MGST2: variants seen among roughly 807,000 people sequenced by gnomAD.
MGST2 encodes the protein glutathione peroxidase MGST2.
MGST2 carries 9 observed loss-of-function variants against 16.6 expected under a neutral mutation model. The ratio of observed to expected loss-of-function variants is 0.54; its 90% confidence interval spans 0.33 to 0.95. MGST2 has a LOEUF of 0.95. MGST2 is among the 40% of genes least tolerant of loss of function. The probability of loss-of-function intolerance (pLI) is 0.03; values close to 1 mark genes in which losing one functional copy is unlikely to be tolerated. For synonymous variants in MGST2, 79 were observed against 68.0 expected (o/e 1.16, Z -0.79); for missense variants, 159 against 175.1 (o/e 0.91, Z 0.52).
chr4:139,703,655 A>C, intron 4 of MGST2, 119 bp downstream of exon 4: 1 of 940,878 alleles, frequency 1.1e-6, no homozygotes, highest in South Asian at 1.4e-5. Flanking sequence ...AAAGTAATCC[A>C]TACTGTCTGA....
At chr4:139,749,743 T>C in the MGST2 span, among the ~76,000 whole-genome samples, 61 of 152,180 alleles carry the variant, frequency 4.0e-4, no homozygotes, top group African/African-American at 1.4e-3. Flanking sequence ...TCAAGTGTGG[T>C]ACCAAACAGG....
intron 5 of MGST2, among the ~76,000 whole-genome samples, chr4:139,709,508 G>A (rs1727659595): frequency 6.6e-6 from 1 of 152,196 alleles, no homozygotes; most frequent in African/African-American, 2.4e-5. Context: ...CTGGAGCTGT[G>A]TCCTGAGGCA....
intron 3 of MGST2, among the ~76,000 whole-genome samples, chr4:139,697,131 A>G (rs892651316): frequency 2.0e-5 from 3 of 152,046 alleles, no homozygotes; most frequent in Non-Finnish European, 4.4e-5. Context: ...AATGACTGGC[A>G]GGTGCTGTTT....
intron 5 of MGST2, chr4:139,717,315 T>C (rs970299434): frequency 1.3e-5 from 2 of 152,634 alleles, no homozygotes; most frequent in Non-Finnish European, 2.9e-5. Context: ...ATTGCTTATA[T>C]ATTTATTTCC....
At chr4:139,723,559 G>T (rs367882149) in intron 5 of MGST2, among the ~76,000 whole-genome samples, 1 of 152,106 alleles carries the variant, frequency 6.6e-6, no homozygotes, top group African/African-American at 2.4e-5. Flanking sequence ...TGAACTGCCC[G>T]CCTCGGCCTC....
chr4:139,666,403 C>A (rs1730355678), intron 1 of MGST2, among the ~76,000 whole-genome samples: 1 of 152,164 alleles, frequency 6.6e-6, no homozygotes, highest in South Asian at 2.1e-4. Flanking sequence ...GCGTTAGTAG[C>A]CTGCTAACCT....
intron 2 of MGST2, among the ~76,000 whole-genome samples, chr4:139,680,355 T>C (rs1168485185): frequency 6.6e-6 from 1 of 152,242 alleles, no homozygotes. Context: ...CTTTGTTTGC[T>C]TAGTTTCATG....
chr4:139,693,455 G>A lies in MGST2; in HGVS notation c.159-1742G>A, dbSNP rs568182321. On this transcript the variant is annotated intron_variant, in intron 2 of 4. Coordinates refer to ENST00000265498, the MANE Select transcript of MGST2 (RefSeq NM_002413.5). ...TTTCAGTGAGTGTGGAAGGACTAGA[G>A]CCTTCCTCTGCTACTACTACATTTT... Among the ~76,000 whole-genome samples the A allele has an allele frequency of 2.0e-5, 3 of 151,336 alleles. No individual in the cohort carries two copies. In the East Asian group the frequency reaches 5.8e-4, roughly 29 times the overall value.
intron 2 of MGST2, among the ~76,000 whole-genome samples, chr4:139,688,530 A>G (rs1413846077): frequency 6.7e-6 from 1 of 150,318 alleles, no homozygotes; most frequent in Non-Finnish European, 1.5e-5. Context: ...TTTTTTTTAC[A>G]TTTTATTAAC....
chr4:139,711,064 A>T (rs1050801483), intron 5 of MGST2, among the ~76,000 whole-genome samples: 1 of 147,858 alleles, frequency 6.8e-6, no homozygotes, highest in Non-Finnish European at 1.5e-5. Context: ...CCCTGGTTGG[A>T]GTGCAGTGGC....
intron 5 of MGST2, among the ~76,000 whole-genome samples, chr4:139,733,850 C>G (rs1728822123): frequency 6.6e-6 from 1 of 152,136 alleles, no homozygotes; most frequent in Admixed American, 6.5e-5. Context: ...CCATGCCCTG[C>G]TAATTTTTAA....
chr4:139,727,044 G>GAAC (rs1728502795), intron 5 of MGST2, among the ~76,000 whole-genome samples: 1 of 152,098 alleles, frequency 6.6e-6, no homozygotes, highest in South Asian at 2.1e-4. Flanking sequence ...CTGTTCTTTA[G>GAAC]AGTGTTCATT....
At chr4:139,749,811 C>T in the MGST2 span, among the ~76,000 whole-genome samples, 1 of 152,088 alleles carries the variant, frequency 6.6e-6, no homozygotes, top group Non-Finnish European at 1.5e-5. Flanking sequence ...AATTATTTTA[C>T]AGTTATTCTA....
At chr4:139,677,188 A>G (rs1221859467) in intron 1 of MGST2, among the ~76,000 whole-genome samples, 3 of 152,146 alleles carry the variant, frequency 2.0e-5, no homozygotes, top group African/African-American at 7.2e-5. Context: ...GTCTCAACCA[A>G]TTTAGAAAGT....
intron 3 of MGST2, among the ~76,000 whole-genome samples, chr4:139,701,571 T>C (rs187513615): frequency 9.2e-5 from 14 of 152,322 alleles, no homozygotes; most frequent in African/African-American, 3.4e-4. Flanking sequence ...TTTTTTTCTT[T>C]GTTGTCTGTC....
At chr4:139,676,872 G>A (rs1251405791) in intron 1 of MGST2, among the ~76,000 whole-genome samples, 1 of 152,116 alleles carries the variant, frequency 6.6e-6, no homozygotes, top group African/African-American at 2.4e-5. Context: ...TTTTTTGTGG[G>A]GGAACTTTGC....
the MGST2 span, among the ~76,000 whole-genome samples, chr4:139,752,483 G>T: frequency 5.3e-5 from 8 of 152,116 alleles, no homozygotes; most frequent in East Asian, 1.4e-3. Context: ...TGAAAAGGGG[G>T]TGAGTGATAA....
the MGST2 span, among the ~76,000 whole-genome samples, chr4:139,747,296 G>A: frequency 6.6e-6 from 1 of 152,200 alleles, no homozygotes; most frequent in African/African-American, 2.4e-5. Flanking sequence ...AGTGCAGAGC[G>A]CGGGCAACTT....
Position 139,678,600 on chromosome 4 carries a change from C to G in MGST2, c.116C>G (p.Ala39Gly). 1 of 1,614,116 alleles carries G rather than the reference C, an allele frequency of 6.2e-7. No individual in the cohort carries two copies. Among genetic ancestry groups the G allele is most frequent in the Non-Finnish European group, 8.5e-7 (1 of 1,179,978 alleles). ...ARLKYKVTPPAVTGSPEFERV... is the reference protein window; with the variant it reads ...ARLKYKVTPPGVTGSPEFERV... The stretch of plus-strand genomic sequence containing the variant: ...TTAAAATACAAAGTTACGCCCCCAG[C>G]AGTCACTGGGTCACCAGAGTTTGAG... The change falls in exon 2 of 5, where the codon GCA becomes GGA. Residue 39 changes from alanine (A) to glycine (G), a missense_variant. Physicochemically the swap from Ala to Gly is moderately conservative, Grantham distance 60. Transcript: ENST00000265498.
Sources: gnomAD v4.1 joint callset for allele counts (sites outside exome capture counted in the v4.1 genomes callset) on GRCh38, gnomAD v4.1.1 for gene constraint, MANE v1.5 for transcripts, NCBI Gene and HGNC (gene_info 2026-07-23, HGNC 2026-07-21) for gene names.